FGF14: variants seen among roughly 807,000 people sequenced by gnomAD.
FGF14 encodes the protein fibroblast growth factor 14, also known as fibroblast growth factor homologous factor 4.
A neutral mutation model predicts 25.5 loss-of-function variants in FGF14; 5 were observed. That is an observed-to-expected ratio of 0.20 (90% CI 0.10 to 0.41). FGF14 has a LOEUF of 0.41. Ranked by LOEUF, FGF14 falls within the 10% of genes least tolerant of loss-of-function variation. The pLI is 1.00. For missense variants in FGF14, 222 were observed against 320.1 expected (o/e 0.69, Z 2.34); for synonymous variants, 138 against 118.3 (o/e 1.17, Z -1.08).
At chr13:102,143,489 C>T (rs974931170) in intron 1 of FGF14, among the ~76,000 whole-genome samples, 4 of 152,162 alleles carry the variant, frequency 2.6e-5, no homozygotes, top group Non-Finnish European at 4.4e-5. Context: ...CATTTTGAAA[C>T]TAATTATGAC....
intron 3 of FGF14, among the ~76,000 whole-genome samples, chr13:101,820,236 T>C (rs1295854084): frequency 6.6e-6 from 1 of 152,126 alleles, no homozygotes; most frequent in Non-Finnish European, 1.5e-5. Flanking sequence ...GTAATGAGAT[T>C]GTATAAAGAA....
At chr13:102,135,131 C>T (rs770905931) in intron 1 of FGF14, among the ~76,000 whole-genome samples, 1 of 151,600 alleles carries the variant, frequency 6.6e-6, no homozygotes, top group African/African-American at 2.4e-5. Context: ...TGACTTAAAC[C>T]CACGACTTCA....
At chr13:102,161,673 G>GTACCCC (rs1566765575) in intron 1 of FGF14, among the ~76,000 whole-genome samples, 6,864 of 56,072 alleles carry the variant, frequency 0.12, 533 homozygotes, top group Non-Finnish European at 0.15. Flanking sequence ...AGAAGAAGAA[G>GTACCCC]AAGAAGAAGA....
At chr13:101,959,372 G>A (rs113865287) in intron 1 of FGF14, among the ~76,000 whole-genome samples, 8,107 of 151,816 alleles carry the variant, frequency 0.053, 313 homozygotes, top group East Asian at 0.19. Context: ...GTTCTCTCTC[G>A]CTGCAATGTG....
chr13:102,116,196 G>A (rs966746873), intron 1 of FGF14, among the ~76,000 whole-genome samples: 1 of 152,120 alleles, frequency 6.6e-6, no homozygotes, highest in South Asian at 2.1e-4. Context: ...ATTTAAAAAA[G>A]GAAAAATAGC....
chr13:102,285,195 G>C (rs1044808948), intron 1 of FGF14, among the ~76,000 whole-genome samples: 31 of 152,168 alleles, frequency 2.0e-4, no homozygotes, highest in African/African-American at 6.7e-4. Flanking sequence ...AAATCCCTCT[G>C]GTGATCTGAT....
intron 1 of FGF14, among the ~76,000 whole-genome samples, chr13:101,905,662 T>A (rs1039694759): frequency 6.6e-6 from 1 of 152,020 alleles, no homozygotes; most frequent in African/African-American, 2.4e-5. Context: ...GTAACAAAAC[T>A]GCACATTCTG....
intron 1 of FGF14, among the ~76,000 whole-genome samples, chr13:102,084,738 A>T (rs1484616358): frequency 3.9e-5 from 6 of 152,228 alleles, no homozygotes; most frequent in Non-Finnish European, 8.8e-5. Flanking sequence ...GATAACTTGT[A>T]TTCCCTCATG....
intron 3 of FGF14, among the ~76,000 whole-genome samples, chr13:101,834,060 A>G (rs2042805301): frequency 1.3e-5 from 2 of 152,096 alleles, no homozygotes; most frequent in Non-Finnish European, 2.9e-5. Context: ...CTAGTGATCA[A>G]GCAATCACCT....
intron 2 of FGF14, 72 bp from the exon 3 acceptor site, chr13:101,868,900 ATTTAT>A (rs2044884306): frequency 1.1e-6 from 1 of 930,726 alleles, no homozygotes; most frequent in Admixed American, 1.8e-5. Context: ...TTTCTTTCTG[ATTTAT>A]TTTATTTAAG....
intron 1 of FGF14, among the ~76,000 whole-genome samples, chr13:102,388,854 T>G (rs1213967476): frequency 6.6e-6 from 1 of 152,050 alleles, no homozygotes; most frequent in East Asian, 1.9e-4. Context: ...AGTTCACTAA[T>G]TTTCACCACA....
chr13:102,023,120 T>C (rs1328350386), intron 1 of FGF14, among the ~76,000 whole-genome samples: 1 of 151,694 alleles, frequency 6.6e-6, no homozygotes, highest in Non-Finnish European at 1.5e-5. Context: ...TCACCATTGC[T>C]AGGTAGTGTC....
chr13:101,760,359 G>A (rs2037937923), intron 3 of FGF14, among the ~76,000 whole-genome samples: 1 of 152,056 alleles, frequency 6.6e-6, no homozygotes, highest in South Asian at 2.1e-4. Context: ...CACTTATTTG[G>A]TGACTTAATA....
intron 1 of FGF14, among the ~76,000 whole-genome samples, chr13:102,017,388 G>C (rs1249970575): frequency 6.6e-6 from 1 of 152,140 alleles, no homozygotes; most frequent in Non-Finnish European, 1.5e-5. Flanking sequence ...GCTGGATATA[G>C]GAATCTAGGA....
chr13:102,293,474 G>A (rs1014304281), intron 1 of FGF14: 1 of 152,230 alleles, frequency 6.6e-6, no homozygotes, highest in African/African-American at 2.4e-5. Flanking sequence ...CCGTAGAGAA[G>A]GCATATGGCC....
At chr13:102,369,226 C>G (rs1462979299) in intron 1 of FGF14, among the ~76,000 whole-genome samples, 2 of 152,132 alleles carry the variant, frequency 1.3e-5, no homozygotes, top group African/African-American at 4.8e-5. Flanking sequence ...CTGTCACTGT[C>G]CTTCATTGAA....
At chr13:102,219,809 G>A (rs2050529474) in intron 1 of FGF14, among the ~76,000 whole-genome samples, 1 of 152,146 alleles carries the variant, frequency 6.6e-6, no homozygotes, top group African/African-American at 2.4e-5. Context: ...AGCTTCTCAA[G>A]AAATATGTAT....
chr13:101,959,195 C>T (rs1451827444), intron 1 of FGF14, among the ~76,000 whole-genome samples: 3 of 152,022 alleles, frequency 2.0e-5, no homozygotes, highest in Non-Finnish European at 4.4e-5. Context: ...CTTGTGCCAC[C>T]CTGATCTGAC....
chr13:102,179,353 G>C (rs1382117591), intron 1 of FGF14, among the ~76,000 whole-genome samples: 1 of 151,988 alleles, frequency 6.6e-6, no homozygotes, highest in Non-Finnish European at 1.5e-5. Flanking sequence ...TTCACTCCTG[G>C]TTCAAGTTTT....
Sources: gnomAD v4.1 joint callset for allele counts (sites outside exome capture counted in the v4.1 genomes callset) on GRCh38, gnomAD v4.1.1 for gene constraint, MANE v1.5 for transcripts, NCBI Gene and HGNC (gene_info 2026-07-23, HGNC 2026-07-21) for gene names.